GRID2: variants seen among roughly 807,000 people sequenced by gnomAD.
GRID2 encodes the protein glutamate ionotropic receptor delta type subunit 2.
Under a neutral mutation model 114.8 loss-of-function variants are expected in GRID2, and 33 were observed. That is an observed-to-expected ratio of 0.29 (90% CI 0.22 to 0.38). GRID2 has a LOEUF of 0.38. Ranked by LOEUF, GRID2 falls within the 10% of genes least tolerant of loss-of-function variation. The pLI, the probability that GRID2 is intolerant of heterozygous loss-of-function variation, is 1.00. For missense variants in GRID2, 1,184 were observed against 1,257.7 expected (o/e 0.94, Z 0.89); for synonymous variants, 505 against 449.9 (o/e 1.12, Z -1.55).
intron 11 of GRID2, among the ~76,000 whole-genome samples, chr4:93,486,885 GAAGA>G (rs1726463497): frequency 1.3e-5 from 2 of 151,634 alleles, no homozygotes; most frequent in South Asian, 4.1e-4. Context: ...CTAACTTCAT[GAAGA>G]ATTTGTGTAC....
At position 93,432,561 on chromosome 4, in the gene GRID2, C is replaced by A. The variant is rs138403054; in HGVS notation, c.1545+9593C>A. On this transcript the variant is annotated intron_variant, in intron 10 of 15. Coordinates refer to ENST00000282020, the MANE Select transcript of GRID2 (RefSeq NM_001510.4). ...GTTCATGGCAGAGTGTTAGAGAAAA[C>A]AAAAGAAATGAGTTTAAAATAGCTC... is the stretch of plus-strand genomic sequence containing the variant. Among the ~76,000 whole-genome samples the A allele has an allele frequency of 7.4e-3, 1,129 of 151,910 alleles. 13 individuals carry two copies. The highest frequency in any genetic ancestry group is 0.026 in the African/African-American group (1,060 of 41,422).
At chr4:92,881,520 C>T (rs116145982) in intron 2 of GRID2, among the ~76,000 whole-genome samples, 4,037 of 151,930 alleles carry the variant, frequency 0.027, 117 homozygotes, top group East Asian at 0.074. Context: ...TTTTCCTGAC[C>T]CAATAATTGA....
intron 2 of GRID2, among the ~76,000 whole-genome samples, chr4:92,700,992 T>TCAAAAAAA (rs1356268012): frequency 7.3e-5 from 6 of 82,142 alleles, no homozygotes; most frequent in African/African-American, 2.3e-4. Context: ...AGACTCCATC[T>TCAAAAAAA]CAAAAAAAAA....
intron 2 of GRID2, among the ~76,000 whole-genome samples, chr4:92,671,365 G>T (rs1476356885): frequency 6.6e-6 from 1 of 152,014 alleles, no homozygotes. Context: ...TTTTGGTGGG[G>T]ACAGAGAGCC....
chr4:93,118,542 C>T (rs62308214), intron 4 of GRID2, among the ~76,000 whole-genome samples: 12,214 of 152,208 alleles, frequency 0.08, 775 homozygotes, highest in African/African-American at 0.17. Context: ...ATCTAACTCA[C>T]ATTCTTCTCT....
chr4:93,596,151 A>G (rs1739064482), intron 13 of GRID2, among the ~76,000 whole-genome samples: 1 of 152,240 alleles, frequency 6.6e-6, no homozygotes, highest in African/African-American at 2.4e-5. Flanking sequence ...AGCCATTCAG[A>G]TACAAATTAG....
chr4:93,138,062 T>C (rs1399194193), intron 4 of GRID2, among the ~76,000 whole-genome samples: 3 of 136,136 alleles, frequency 2.2e-5, no homozygotes, highest in Non-Finnish European at 4.6e-5. Flanking sequence ...AACTTCCACC[T>C]CCCGTGCTCA....
intron 10 of GRID2, among the ~76,000 whole-genome samples, chr4:93,423,374 GTCTC>G (rs1212136492): frequency 1.0e-5 from 1 of 99,668 alleles, no homozygotes; most frequent in Non-Finnish European, 1.8e-5. Flanking sequence ...TTGAGACAGA[GTCTC>G]ACTCTGTCCT....
At chr4:92,633,357 C>G (rs998454631) in intron 2 of GRID2, among the ~76,000 whole-genome samples, 2 of 152,040 alleles carry the variant, frequency 1.3e-5, no homozygotes, top group Non-Finnish European at 2.9e-5. Flanking sequence ...TAGACTGCCT[C>G]TAAAAGAGCA....
intron 10 of GRID2, among the ~76,000 whole-genome samples, chr4:93,442,175 T>C (rs985540186): frequency 2.6e-5 from 4 of 152,022 alleles, no homozygotes; most frequent in African/African-American, 9.7e-5. Context: ...GATTGAAAAT[T>C]TTACTATAAT....
At chr4:92,441,224 A>C (rs1180996604) in intron 1 of GRID2, among the ~76,000 whole-genome samples, 1 of 151,946 alleles carries the variant, frequency 6.6e-6, no homozygotes, top group African/African-American at 2.4e-5. Flanking sequence ...CGGTCGGACA[A>C]GATTGGCAGG....
intron 2 of GRID2, among the ~76,000 whole-genome samples, chr4:92,700,347 C>A (rs1734607013): frequency 6.6e-6 from 1 of 152,162 alleles, no homozygotes; most frequent in Non-Finnish European, 1.5e-5. Flanking sequence ...TGATTGCTCA[C>A]AATTCTCATC....
At chr4:93,049,511 C>T (rs772816419) in intron 2 of GRID2, among the ~76,000 whole-genome samples, 4 of 143,046 alleles carry the variant, frequency 2.8e-5, no homozygotes, top group Non-Finnish European at 6.4e-5. Context: ...CTGAAATTAT[C>T]CCCCCCCCAA....
chr4:93,307,751 CTT>C (rs1179303229), intron 8 of GRID2, among the ~76,000 whole-genome samples: 2 of 152,104 alleles, frequency 1.3e-5, no homozygotes, highest in Non-Finnish European at 2.9e-5. Flanking sequence ...TATTTCATAA[CTT>C]ATTATTAACC....
chr4:93,799,070 T>G (rs1423486179), intron 1 of GRID2, among the ~76,000 whole-genome samples: 1 of 152,202 alleles, frequency 6.6e-6, no homozygotes, highest in Non-Finnish European at 1.5e-5. Context: ...GCAAACCATT[T>G]AAAGACCCTC....
At chr4:93,538,347 A>G (rs952377594) in intron 13 of GRID2, among the ~76,000 whole-genome samples, 7 of 151,822 alleles carry the variant, frequency 4.6e-5, no homozygotes, top group African/African-American at 1.7e-4. Flanking sequence ...TGAATATTGG[A>G]TTACAACCCA....
At chr4:92,872,422 C>A (rs995665494) in intron 2 of GRID2, among the ~76,000 whole-genome samples, 1 of 151,730 alleles carries the variant, frequency 6.6e-6, no homozygotes, top group Non-Finnish European at 1.5e-5. Context: ...GAAGAAAAAT[C>A]CTTAATTATA....
intron 4 of GRID2, among the ~76,000 whole-genome samples, chr4:93,200,162 A>G (rs72889677): frequency 0.1 from 15,198 of 152,236 alleles, 1,513 homozygotes; most frequent in African/African-American, 0.26. Flanking sequence ...TGTATACTAC[A>G]TACTCCCTTT....
chr4:93,481,198 G>A (rs1020032518), intron 11 of GRID2, among the ~76,000 whole-genome samples: 1 of 152,028 alleles, frequency 6.6e-6, no homozygotes, highest in Non-Finnish European at 1.5e-5. Flanking sequence ...GTAACGTGGT[G>A]AGTCCAGAAG....
Sources: gnomAD v4.1 joint callset for allele counts (sites outside exome capture counted in the v4.1 genomes callset) on GRCh38, gnomAD v4.1.1 for gene constraint, MANE v1.5 for transcripts, NCBI Gene and HGNC (gene_info 2026-07-23, HGNC 2026-07-21) for gene names.